Variants in MYO10 observed in about 807,000 individuals in gnomAD.
MYO10 encodes the protein unconventional myosin-X.
MYO10 carries 133 observed loss-of-function variants against 257.3 expected under a neutral mutation model. That is an observed-to-expected ratio of 0.52 (90% CI 0.45 to 0.60). MYO10 has a LOEUF of 0.60. Ranked by LOEUF, MYO10 falls within the 20% of genes least tolerant of loss-of-function variation. MYO10 has a pLI of 0.00. For missense variants in MYO10, 2,399 were observed against 2,635.7 expected, an observed-to-expected ratio of 0.91 and a Z score of 1.97; for synonymous variants, 1,104 against 1,028.6, an observed-to-expected ratio of 1.07 and a Z score of -1.40.
At position 16,717,133 on chromosome 5, in the gene MYO10, G is replaced by A. The variant is rs147954735; in HGVS notation, c.1930-5888C>T. Among the ~76,000 whole-genome samples the A allele has an allele frequency of 5.7e-3, 863 of 152,232 alleles. 6 individuals carry two copies. The highest frequency in any genetic ancestry group is 8.9e-3 in the Non-Finnish European group (607 of 68,030). On this transcript the variant is annotated intron_variant, in intron 19 of 40. Coordinates refer to ENST00000513610, the MANE Select transcript of MYO10 (RefSeq NM_012334.3). ...ATTACAGGCTTGGGCCACCACGCGCGGCCTTAAACTGGTTTTAACATTTGC... is the reference window on the plus strand; with the variant it reads ...ATTACAGGCTTGGGCCACCACGCGCAGCCTTAAACTGGTTTTAACATTTGC...
intron 19 of MYO10, chr5:16,741,847 A>G (rs1188014711): frequency 1.0e-6 from 1 of 985,318 alleles, no homozygotes; most frequent in East Asian, 1.1e-4. Flanking sequence ...CACTGTAAAT[A>G]GCTGCATCTT....
chr5:16,913,191 T>C (rs1416668678), intron 1 of MYO10, among the ~76,000 whole-genome samples: 1 of 152,112 alleles, frequency 6.6e-6, no homozygotes, highest in South Asian at 2.1e-4. Context: ...AAATCATGCT[T>C]GGCATTTAAA....
intron 1 of MYO10, among the ~76,000 whole-genome samples, chr5:16,883,499 T>C (rs571052772): frequency 6.6e-6 from 1 of 152,328 alleles, no homozygotes; most frequent in Admixed American, 6.5e-5. Context: ...GATTGTACCA[T>C]GGTGTCATTG....
chr5:16,866,014 AACACACACACAC>A (rs34718010), intron 2 of MYO10, among the ~76,000 whole-genome samples: 6,798 of 136,566 alleles, frequency 0.05, 236 homozygotes, highest in South Asian at 0.18. Context: ...TATTTACCCA[AACACACACACAC>A]ACACACACAC....
intron 14 of MYO10, 146 bp downstream of exon 14, chr5:16,763,335 A>G (rs1740774317): frequency 2.9e-6 from 2 of 679,186 alleles, no homozygotes; most frequent in African/African-American, 3.6e-5. Context: ...TTGCACATTT[A>G]CATTTATGTT....
intron 3 of MYO10, among the ~76,000 whole-genome samples, chr5:16,814,296 C>T (rs556166273): frequency 6.6e-6 from 1 of 152,200 alleles, no homozygotes; most frequent in African/African-American, 2.4e-5. Flanking sequence ...CGCCCGCCAC[C>T]ACACCCGGCT....
At chr5:16,901,281 G>GT (rs1219135136) in intron 1 of MYO10, among the ~76,000 whole-genome samples, 1 of 151,994 alleles carries the variant, frequency 6.6e-6, no homozygotes, top group Non-Finnish European at 1.5e-5. Context: ...CCTGCTGGGC[G>GT]CCCCTCCTCC....
At chr5:16,726,220 GATC>G (rs1209703532) in intron 19 of MYO10, among the ~76,000 whole-genome samples, 13 of 152,160 alleles carry the variant, frequency 8.5e-5, no homozygotes, top group African/African-American at 2.7e-4. Flanking sequence ...ATCTGTGGAC[GATC>G]ATCAAGTCAG....
chr5:16,923,339 T>C (rs1034486596), intron 1 of MYO10, among the ~76,000 whole-genome samples: 1 of 150,936 alleles, frequency 6.6e-6, no homozygotes, highest in Non-Finnish European at 1.5e-5. Flanking sequence ...CCAGGTGGAG[T>C]GCAGTGGCAC....
chr5:16,821,439 TTTTC>T, intron 2 of MYO10, among the ~76,000 whole-genome samples: 2 of 104,864 alleles, frequency 1.9e-5, no homozygotes. Flanking sequence ...TTTCCTCCTA[TTTTC>T]TTTTTTTTTT....
chr5:16,763,390 C>A (rs959225378), intron 14 of MYO10, 91 bp downstream of exon 14: 114 of 947,430 alleles, frequency 1.2e-4, no homozygotes, highest in Non-Finnish European at 8.0e-5. Context: ...CGTTGATGTG[C>A]GTGTTCGTGC....
Position 16,762,050 on chromosome 5 carries a change from C to T in MYO10, c.1651G>A (p.Gly551Arg). 6.4e-7 allele frequency: 1 copy of T among 1,550,424 alleles called. No homozygotes were observed. The highest frequency in any genetic ancestry group is 8.7e-7 in the Non-Finnish European group (1 of 1,155,346). Residue 551 changes from glycine (G) to arginine (R), a missense_variant, in exon 16 of 41, where the codon GGA (glycine) becomes AGA (arginine). Physicochemically the swap from Gly to Arg is moderately radical, Grantham distance 125. Coordinates refer to ENST00000513610, the MANE Select transcript of MYO10 (RefSeq NM_012334.3). Reference sequence around the variant, plus strand: ...GTATCTTAATAAAAAGTTACCTCTCCAGCATAGTGCTTCACTCCAAAATTG... The same window carrying T: ...GTATCTTAATAAAAAGTTACCTCTCTAGCATAGTGCTTCACTCCAAAATTG... ...VNNFGVKHYA[G>R]EVQYDVRGIL...
At chr5:16,728,776 G>A (rs1273861502) in intron 19 of MYO10, among the ~76,000 whole-genome samples, 3 of 152,160 alleles carry the variant, frequency 2.0e-5, no homozygotes, top group East Asian at 3.9e-4. Context: ...CTTCGTCCTC[G>A]TGGGAAAACC....
chr5:16,668,537 A>C (rs1736286634), intron 39 of MYO10, 69 bp from the exon 40 acceptor site: 1 of 1,339,080 alleles, frequency 7.5e-7, no homozygotes, highest in Non-Finnish European at 1.0e-6. Context: ...TCTAAACCAT[A>C]AGACAGGCTT....
At chr5:16,733,148 A>T (rs1440580665) in intron 19 of MYO10, among the ~76,000 whole-genome samples, 1 of 151,788 alleles carries the variant, frequency 6.6e-6, no homozygotes, top group Non-Finnish European at 1.5e-5. Flanking sequence ...AAAACAAAAC[A>T]AACAAACAAC....
intron 3 of MYO10, among the ~76,000 whole-genome samples, chr5:16,795,325 C>T (rs570675400): frequency 7.8e-4 from 119 of 152,214 alleles, no homozygotes; most frequent in African/African-American, 2.7e-3. Context: ...GGAAGTGGGC[C>T]GGGCCTGGTG....
chr5:16,723,029 A>C (rs935134567), intron 19 of MYO10, among the ~76,000 whole-genome samples: 1 of 152,176 alleles, frequency 6.6e-6, no homozygotes, highest in Non-Finnish European at 1.5e-5. Flanking sequence ...CACTTCACCA[A>C]AGAAGATAGG....
At chr5:16,829,458 G>A (rs911122292) in intron 2 of MYO10, among the ~76,000 whole-genome samples, 1 of 152,140 alleles carries the variant, frequency 6.6e-6, no homozygotes, top group Non-Finnish European at 1.5e-5. Context: ...CTCTTGAGGA[G>A]CAATCGCCAC....
At chr5:16,757,859 T>G (rs1740581716) in intron 18 of MYO10, among the ~76,000 whole-genome samples, 1 of 152,168 alleles carries the variant, frequency 6.6e-6, no homozygotes, top group Non-Finnish European at 1.5e-5. Context: ...GAGACAGGAT[T>G]TCACCATGTT....
Sources: allele counts gnomAD v4.1 joint callset (sites outside exome capture counted in the v4.1 genomes callset), GRCh38; gene constraint gnomAD v4.1.1; transcripts MANE v1.5; gene names NCBI Gene and HGNC (gene_info 2026-07-23, HGNC 2026-07-21).